Variants in SETD1A observed in about 807,000 individuals in gnomAD.
SETD1A encodes histone-lysine N-methyltransferase SETD1A.
A neutral mutation model predicts 149.9 loss-of-function variants in SETD1A; 29 were observed. That is an observed-to-expected ratio of 0.19 (90% CI 0.14 to 0.26). The LOEUF is 0.26. SETD1A is among the 10% of genes least tolerant of loss of function. SETD1A has a pLI of 1.00. For synonymous variants in SETD1A, 1,141 were observed against 968.5 expected (o/e 1.18, Z -3.31); for missense variants, 2,109 against 2,353.1 (o/e 0.90, Z 2.15).
intron 10 of SETD1A, among the ~76,000 whole-genome samples, chr16:30,968,065 C>A (rs1056293393): frequency 2.6e-5 from 4 of 152,156 alleles, no homozygotes; most frequent in African/African-American, 9.7e-5. Flanking sequence ...GCTCCCTCTT[C>A]CACCCGACCA....
At chr16:30,969,230 T>C (rs1338987875) in intron 10 of SETD1A, 75 bp from the exon 11 acceptor site, 9 of 1,433,324 alleles carry the variant, frequency 6.3e-6, no homozygotes, top group African/African-American at 1.4e-5. Context: ...TAATAGTATA[T>C]GTAAAGCCCC....
At position 30,979,991 on chromosome 16, in the gene SETD1A, G is replaced by GGCCAA; in HGVS notation, c.4205_4206insGCCAA (p.Pro1404ThrfsTer23). Reference sequence around the variant, plus strand: ...CTCCGCTCCCACGCCCGGCGCCGCCGCCCTCCGCCCCCACCCCCGCCGCCA... The same window carrying GGCCAA: ...CTCCGCTCCCACGCCCGGCGCCGCCGGCCAACCCTCCGCCCCCACCCCCGCCGCCA... On this transcript the variant is annotated frameshift_variant, in exon 14 of 19. Transcript: ENST00000262519. LOFTEE classifies it high-confidence loss of function. 7.8e-7 allele frequency: 1 copy of GGCCAA among 1,279,662 alleles called. No homozygotes were observed. Among genetic ancestry groups the GGCCAA allele is most frequent in the Non-Finnish European group, 1.0e-6 (1 of 969,374 alleles). 79.3% of individuals were successfully genotyped at this position (1,279,662 alleles called of 1,614,324 possible). A position where few individuals can be genotyped will look rare whatever the true frequency, so the allele number is the denominator to read the frequency against.
intron 13 of SETD1A, among the ~76,000 whole-genome samples, chr16:30,978,684 G>T (rs760829452): frequency 2.0e-5 from 3 of 152,250 alleles, no homozygotes; most frequent in Non-Finnish European, 4.4e-5. Flanking sequence ...GCTAAACTGA[G>T]AATATTGTTT....
chr16:30,962,782 A>G (rs923217228), intron 4 of SETD1A, among the ~76,000 whole-genome samples: 3 of 152,366 alleles, frequency 2.0e-5, no homozygotes, highest in Non-Finnish European at 4.4e-5. Flanking sequence ...CCCCATTTCT[A>G]TTAAAAATAA....
rs762032888 is a variant in SETD1A, at chr16:30,966,058, A to G, written c.2177A>G (p.Tyr726Cys). ...TTTCCACCCCCGCAGGAGGCAGCCTACGGCTTGCCGTATGCTCTATATGCA... is the reference window on the plus strand; with the variant it reads ...TTTCCACCCCCGCAGGAGGCAGCCTGCGGCTTGCCGTATGCTCTATATGCA... ...LPFPPPQEAAYGLPYALYAQG... is the reference protein window; with the variant it reads ...LPFPPPQEAACGLPYALYAQG... Residue 726 changes from tyrosine to cysteine, a missense_variant, in exon 8 of 19, where the codon TAC (tyrosine) becomes TGC (cysteine). Around this residue, in one of 8 missense-constraint regions of SETD1A, gnomAD observed 431 missense variants for 388.6 expected, o/e 1.11. Transcript: ENST00000262519. 17 of 1,574,984 alleles carry G rather than the reference A, an allele frequency of 1.1e-5. No homozygotes were observed. Among genetic ancestry groups the G allele is most frequent in the Non-Finnish European group, 1.4e-5 (16 of 1,159,660 alleles).
Position 30,981,110 on chromosome 16 carries a change from G to T in SETD1A, c.4742G>T (p.Gly1581Val). ...GGCCGGAGCCGGATCCACGAGTGGG[G>T]TCTGTTTGCCATGGAACCCATTGCT... ...RFGRSRIHEWGLFAMEPIAAD... is the reference protein window; with the variant it reads ...RFGRSRIHEWVLFAMEPIAAD... The change falls in exon 17 of 19, where the codon GGT becomes GTT. Residue 1581 changes from glycine to valine, a missense_variant. This residue lies in a region of SETD1A where 254 missense variants were observed against 409.3 expected (regional missense o/e 0.62). Coordinates refer to ENST00000262519, the MANE Select transcript of SETD1A (RefSeq NM_014712.3). 6.2e-7 allele frequency: 1 copy of T among 1,614,224 alleles called. No individual in the cohort carries two copies.
intron 5 of SETD1A, 89 bp downstream of exon 5, chr16:30,963,643 G>A: frequency 7.1e-7 from 1 of 1,399,544 alleles, no homozygotes; most frequent in Non-Finnish European, 9.6e-7. Flanking sequence ...GAGGTTCCGG[G>A]CTTTCCCGTT....
intron 5 of SETD1A, 87 bp from the exon 6 acceptor site, chr16:30,964,007 G>A (rs1352363918): frequency 1.9e-6 from 2 of 1,068,144 alleles, no homozygotes; most frequent in Admixed American, 2.1e-5. Flanking sequence ...AAAAAAAAGG[G>A]AACTAGGATT....
rs769081926 is a variant in SETD1A at position 30,980,714 on chromosome 16, C to T, written c.4582-25C>T. On this transcript the variant is annotated intron_variant, in intron 15 of 18. Transcript: ENST00000262519. This position sits in a 1 kb window ranked among gnomAD's most constrained non-coding sequence, Gnocchi z 7.7. ...CCACTCACTTCCCTGCCCTGCTCAC[C>T]TCCTCCCTGCCGTGTGTCTCACAGG... 1.9e-6 allele frequency: 3 copies of T among 1,611,290 alleles called. No homozygotes were observed. Among genetic ancestry groups the T allele is most frequent in the East Asian group, 4.5e-5 (2 of 44,864 alleles).
rs760383147 is a variant in SETD1A, at chr16:30,966,421, C to A, written c.2505+35C>A. On this transcript the variant is annotated intron_variant, in intron 8 of 18. Coordinates refer to ENST00000262519, the MANE Select transcript of SETD1A (RefSeq NM_014712.3). ...GCGCCTGGGACCGGGGAGCCCTGGG[C>A]TTTGCAGGAGGAAATGGGCCTCTGG... The A allele has an allele frequency of 1.9e-6, 3 of 1,561,310 alleles. No homozygotes were observed. The African/African-American group carries it at 4.1e-5, about 21-fold the overall frequency.
chr16:30,982,237 A>G (rs1233773717), intron 17 of SETD1A, among the ~76,000 whole-genome samples: 1 of 152,150 alleles, frequency 6.6e-6, no homozygotes, highest in Non-Finnish European at 1.5e-5. Flanking sequence ...GCGGTGGCTC[A>G]TGCCTGTAAT....
At position 30,983,509 on chromosome 16, in the gene SETD1A, C is replaced by T. The variant is rs2056410555; in HGVS notation, c.4813-126C>T. 2.7e-6 allele frequency: 3 copies of T among 1,111,906 alleles called. No homozygotes were observed. Among genetic ancestry groups the T allele is most frequent in the Middle Eastern group, 3.0e-4 (1 of 3,316 alleles). The allele number at this position is 1,111,906 out of a possible 1,614,324, so 68.9% of individuals were successfully genotyped here. ...GTCGAGAGAGTCAGTGCCGGGTTAG[C>T]GGGAGCTGGAGGCAGAGCTGCAGCT... On this transcript the variant is annotated intron_variant, in intron 17 of 18. Transcript: ENST00000262519. The surrounding 1 kb of genome is among the most constrained non-coding windows in gnomAD (Gnocchi z 6.8).
chr16:30,983,917 C>G lies in SETD1A; in HGVS notation c.5018C>G (p.Pro1673Arg). 2 of 1,613,808 alleles carry G rather than the reference C, an allele frequency of 1.2e-6. No homozygotes were observed. The highest frequency in any genetic ancestry group is 1.7e-6 in the Non-Finnish European group (2 of 1,179,840). ...AAGATCGTGATCTACTCCAAGCAGC[C>G]CATTGGCGTGGACGAGGAGATCACC... ...QKKIVIYSKQ[P>R]IGVDEEITYD... Residue 1673 changes from proline (P) to arginine (R), a missense_variant, in exon 19 of 19, where the codon CCC becomes CGC. Coordinates refer to ENST00000262519, the MANE Select transcript of SETD1A (RefSeq NM_014712.3). The surrounding 1 kb of genome is among the most constrained non-coding windows in gnomAD (Gnocchi z 6.8).
In SETD1A at chr16:30,965,777, C is replaced by A; in HGVS notation, c.1896C>A (p.Tyr632Ter). The A allele has an allele frequency of 6.3e-7, 1 of 1,588,274 alleles. No individual in the cohort carries two copies. Among genetic ancestry groups the A allele is most frequent in the Non-Finnish European group, 8.6e-7 (1 of 1,166,306 alleles). Residue 632 changes from tyrosine (Y) to a stop codon, truncating the protein, a stop_gained, in exon 8 of 19, where the codon TAC becomes TAA. Coordinates refer to ENST00000262519, the MANE Select transcript of SETD1A (RefSeq NM_014712.3). LOFTEE classifies it high-confidence loss of function. Reference sequence around the variant, plus strand: ...GTTATCCTCCCCACCAACCTGCCTACCTCCTCCCACCCAGACCTGATGGGC... The same window carrying A: ...GTTATCCTCCCCACCAACCTGCCTAACTCCTCCCACCCAGACCTGATGGGC... ...PLGYPPHQPAYLLPPRPDGPP... is the reference protein window; with the variant it reads ...PLGYPPHQPA
chr16:30,979,740 G>T lies in SETD1A; in HGVS notation c.3954G>T (p.Pro1318=), dbSNP rs763056400. The change falls in exon 14 of 19, where the codon CCG becomes CCT. Residue 1318 remains proline, a synonymous_variant. Coordinates refer to ENST00000262519, the MANE Select transcript of SETD1A (RefSeq NM_014712.3). ...CCCCTGCGCCAGCCCTGCGGCCCCC[G>T]GAGCCAGTGCCCGCACCCGCCGCCC... The part of the protein sequence containing the change: ...PTPPAPALRP[P]EPVPAPAALF... 1 of 1,598,928 alleles carries T rather than the reference G, an allele frequency of 6.3e-7. No individual in the cohort carries two copies. The highest frequency in any genetic ancestry group is 8.5e-7 in the Non-Finnish European group (1 of 1,178,414).
rs1375217676 is a variant in SETD1A, at chr16:30,966,118, A to G, written c.2237A>G (p.Glu746Gly). The G allele has an allele frequency of 6.2e-7, 1 of 1,600,056 alleles. No homozygotes were observed. The highest frequency in any genetic ancestry group is 2.2e-5 in the East Asian group (1 of 44,626). Reference sequence around the variant, plus strand: ...GAGGGCAGAGGGGCATACTCACGGGAGGCCTACCACCTGCCCATGCCAATG... The same window carrying G: ...GAGGGCAGAGGGGCATACTCACGGGGGGCCTACCACCTGCCCATGCCAATG... ...GQEGRGAYSR[E>G]AYHLPMPMAA... Residue 746 changes from glutamate to glycine, a missense_variant, in exon 8 of 19, where the codon GAG becomes GGG. Coordinates refer to ENST00000262519, the MANE Select transcript of SETD1A (RefSeq NM_014712.3).
At chr16:30,959,535 G>C (rs529179700) in intron 3 of SETD1A, among the ~76,000 whole-genome samples, 1 of 152,236 alleles carries the variant, frequency 6.6e-6, no homozygotes, top group African/African-American at 2.4e-5. Flanking sequence ...GAGTGACAAG[G>C]CCACTGCCTA....
intron 13 of SETD1A, among the ~76,000 whole-genome samples, chr16:30,976,702 C>T (rs548146041): frequency 3.3e-5 from 5 of 152,122 alleles, no homozygotes; most frequent in African/African-American, 9.6e-5. Flanking sequence ...ATTGACAAGG[C>T]CAGGTGTGTG....
chr16:30,969,400 C>T lies in SETD1A; in HGVS notation c.2866C>T (p.Arg956Cys), dbSNP rs150435865. The T allele has an allele frequency of 3.5e-5, 57 of 1,614,132 alleles. No individual in the cohort carries two copies. The highest frequency in any genetic ancestry group is 2.8e-4 in the African/African-American group (21 of 75,052). The change falls in exon 11 of 19, where the codon CGC (arginine) becomes TGC (cysteine). Residue 956 changes from arginine to cysteine, a missense_variant. Physicochemically the swap from Arg to Cys is radical, Grantham distance 180 (BLOSUM62 -3). Transcript: ENST00000262519. ...EERGKTQGKH[R>C]KSFALDSEGE... The stretch of plus-strand genomic sequence containing the variant: ...GCGAGGCAAGACCCAGGGCAAGCAC[C>T]GCAAGTCCTTTGCTCTGGACAGCGA...
Sources: gnomAD v4.1 joint callset for allele counts (sites outside exome capture counted in the v4.1 genomes callset) on GRCh38, gnomAD v4.1.1 for gene constraint, gnomAD v4.1.1 regional missense constraint, Gnocchi (gnomAD v3.1) non-coding constraint, MANE v1.5 for transcripts, NCBI Gene and HGNC (gene_info 2026-07-23, HGNC 2026-07-21) for gene names.